The following IPO11 variants were observed in gnomAD, a reference collection of about 807,000 sequenced individuals.
IPO11 encodes importin 11.
A neutral mutation model predicts 143.2 loss-of-function variants in IPO11; 66 were observed. The ratio of observed to expected loss-of-function variants is 0.46; its 90% CI spans 0.38 to 0.57. The LOEUF is 0.57. Ranked by LOEUF, IPO11 falls within the 20% of genes least tolerant of loss-of-function variation. The probability of loss-of-function intolerance (pLI) is 0.00; values close to 1 mark genes in which losing one functional copy is unlikely to be tolerated. For synonymous variants in IPO11, 385 were observed against 377.8 expected, an observed-to-expected ratio of 1.02 and a Z score of -0.22; for missense variants, 1,026 against 1,141.0, an observed-to-expected ratio of 0.90 and a Z score of 1.45.
At chr5:62,620,114 A>G (rs1580397720) in intron 29 of IPO11, among the ~76,000 whole-genome samples, 1 of 152,190 alleles carries the variant, frequency 6.6e-6, no homozygotes, top group Non-Finnish European at 1.5e-5. Context: ...GTGAGTGACC[A>G]TGGCCTGTGA....
intron 8 of IPO11, among the ~76,000 whole-genome samples, chr5:62,475,170 G>C (rs1160364209): frequency 6.6e-6 from 1 of 151,916 alleles, no homozygotes; most frequent in Non-Finnish European, 1.5e-5. Context: ...GTCTCCCAAA[G>C]TGTTGGAATT....
chr5:62,478,591 T>C (rs928006176), intron 9 of IPO11, among the ~76,000 whole-genome samples: 35 of 152,252 alleles, frequency 2.3e-4, no homozygotes, highest in African/African-American at 8.4e-4. Context: ...TGAATTTTTC[T>C]AGTTTGTTTG....
intron 16 of IPO11, among the ~76,000 whole-genome samples, chr5:62,497,176 C>T (rs747436132): frequency 5.9e-5 from 9 of 152,138 alleles, no homozygotes; most frequent in African/African-American, 4.8e-5. Flanking sequence ...CTGGCTGTGA[C>T]GGAGTAGAAG....
chr5:62,451,856 G>A lies in IPO11; in HGVS notation c.439G>A (p.Ala147Thr). The A allele has an allele frequency of 1.2e-6, 2 of 1,614,002 alleles. No homozygotes were observed. Among genetic ancestry groups the A allele is most frequent in the East Asian group, 4.5e-5 (2 of 44,894 alleles). Residue 147 changes from alanine to threonine, a missense_variant, in exon 5 of 30, where the codon GCA becomes ACA. Around this residue, in one of 5 missense-constraint regions of IPO11, gnomAD observed 429 missense variants for 456.3 expected, o/e 0.94. Transcript: ENST00000325324. ...CCAGGATGATCTTCGACAGCACAGA[G>A]CATTACTTACCTTCTATCATGTTAC... ...KVQDDLRQHR[A>T]LLTFYHVTKT...
intron 8 of IPO11, among the ~76,000 whole-genome samples, chr5:62,476,213 G>T (rs1437877273): frequency 6.6e-6 from 1 of 152,086 alleles, no homozygotes; most frequent in Non-Finnish European, 1.5e-5. Context: ...AGAATATGAA[G>T]AGTATTATTA....
intron 29 of IPO11, among the ~76,000 whole-genome samples, chr5:62,608,606 A>T (rs1162768209): frequency 6.6e-6 from 1 of 152,114 alleles, no homozygotes; most frequent in Non-Finnish European, 1.5e-5. Context: ...CTCCATCTGG[A>T]ATAGCCCTTT....
intron 15 of IPO11, among the ~76,000 whole-genome samples, chr5:62,492,062 A>G (rs753891684): frequency 9.9e-5 from 15 of 152,242 alleles, no homozygotes; most frequent in Non-Finnish European, 2.1e-4. Context: ...TAATGTACAT[A>G]TGAGTCACCT....
At position 62,506,361 on chromosome 5, in the gene IPO11, A is replaced by C. The variant is rs1173864336; in HGVS notation, c.1782+4A>C. 7.0e-7 allele frequency: 1 copy of C among 1,418,672 alleles called. No individual in the cohort carries two copies. The highest frequency in any genetic ancestry group is 1.4e-5 in the African/African-American group (1 of 70,784). 87.9% of individuals were successfully genotyped at this position (1,418,672 alleles called of 1,614,324 possible). On this transcript the variant is annotated splice_donor_region_variant and intron_variant, in intron 19 of 29. Transcript: ENST00000325324. ...GATCGAAAGAGTCAACATGCAGGTA[A>C]TTATATTGTAAAACATGAAAATAAA...
chr5:62,513,432 T>A (rs1222566541), intron 19 of IPO11, among the ~76,000 whole-genome samples: 1 of 79,150 alleles, frequency 1.3e-5, no homozygotes, highest in Non-Finnish European at 2.7e-5. Flanking sequence ...CCCACCTCCC[T>A]CCCGGACGGA....
chr5:62,450,071 A>G, intron 4 of IPO11, 72 bp downstream of exon 4: 2 of 977,138 alleles, frequency 2.0e-6, no homozygotes. Context: ...ATATTCTGGC[A>G]TTAAAATGAA....
chr5:62,532,548 G>A (rs1742587578), intron 22 of IPO11, among the ~76,000 whole-genome samples: 1 of 151,904 alleles, frequency 6.6e-6, no homozygotes, highest in Non-Finnish European at 1.5e-5. Flanking sequence ...AGTAGTGATG[G>A]GGTTTCACCA....
At chr5:62,587,659 T>TG (rs1292490290) in intron 27 of IPO11, among the ~76,000 whole-genome samples, 1 of 152,172 alleles carries the variant, frequency 6.6e-6, no homozygotes, top group Non-Finnish European at 1.5e-5. Flanking sequence ...ATGAAAAAGT[T>TG]TAAGAGATTT....
intron 3 of IPO11, 56 bp from the exon 4 acceptor site, chr5:62,449,871 A>G (rs1744848217): frequency 9.0e-7 from 1 of 1,116,278 alleles, no homozygotes; most frequent in Non-Finnish European, 1.3e-6. Context: ...ATGCTTACCT[A>G]CATTTATTAT....
chr5:62,522,221 G>A (rs1242470659), intron 20 of IPO11, among the ~76,000 whole-genome samples: 1 of 151,722 alleles, frequency 6.6e-6, no homozygotes, highest in Non-Finnish European at 1.5e-5. Context: ...TTTAGGAGCG[G>A]ACACTAAAAA....
chr5:62,538,811 C>A (rs1195558205), intron 24 of IPO11, among the ~76,000 whole-genome samples: 4 of 152,162 alleles, frequency 2.6e-5, no homozygotes, highest in Admixed American at 2.0e-4. Flanking sequence ...CAGAACATAT[C>A]CCTGTTGATA....
chr5:62,574,699 C>T (rs760944093), intron 27 of IPO11, among the ~76,000 whole-genome samples: 6 of 152,190 alleles, frequency 3.9e-5, no homozygotes, highest in Non-Finnish European at 8.8e-5. Context: ...AATTTATCAT[C>T]ATATACTCGC....
chr5:62,565,657 C>G (rs1743909737), intron 27 of IPO11, among the ~76,000 whole-genome samples: 1 of 152,032 alleles, frequency 6.6e-6, no homozygotes, highest in Admixed American at 6.6e-5. Context: ...GGTCATTTTT[C>G]TTTTTTTCAT....
At chr5:62,444,054 A>C (rs916365499) in intron 3 of IPO11, among the ~76,000 whole-genome samples, 2 of 151,880 alleles carry the variant, frequency 1.3e-5, no homozygotes, top group Non-Finnish European at 2.9e-5. Flanking sequence ...TTCAGGCTGC[A>C]CTTGGGATAC....
At chr5:62,555,590 G>A (rs951997937) in intron 26 of IPO11, among the ~76,000 whole-genome samples, 1 of 151,562 alleles carries the variant, frequency 6.6e-6, no homozygotes, top group Non-Finnish European at 1.5e-5. Context: ...TGCAAGCCCC[G>A]CCTCCCGGGT....
Sources: gnomAD v4.1 joint callset for allele counts (sites outside exome capture counted in the v4.1 genomes callset) on GRCh38, gnomAD v4.1.1 for gene constraint, gnomAD v4.1.1 regional missense constraint, MANE v1.5 for transcripts, NCBI Gene and HGNC (gene_info 2026-07-23, HGNC 2026-07-21) for gene names.